The following CTNNA3 variants were observed in gnomAD, a reference collection of about 807,000 sequenced individuals.
The protein encoded by CTNNA3 is catenin alpha 3.
CTNNA3 carries 76 observed loss-of-function variants against 95.7 expected under a neutral mutation model. The observed-to-expected ratio is 0.79, with a 90% CI of 0.66 to 0.96. CTNNA3 has a LOEUF of 0.96. CTNNA3 is among the 40% of genes least tolerant of loss of function. The pLI is 0.00. For synonymous variants in CTNNA3, 431 were observed against 374.4 expected (o/e 1.15, Z -1.74); for missense variants, 1,191 against 1,089.8 (o/e 1.09, Z -1.31).
At chr10:66,009,415 A>G (rs945151291) in intron 15 of CTNNA3, among the ~76,000 whole-genome samples, 1 of 152,194 alleles carries the variant, frequency 6.6e-6, no homozygotes, top group Non-Finnish European at 1.5e-5. Flanking sequence ...CACCACAGAC[A>G]ACCCTTTAAT....
intron 13 of CTNNA3, among the ~76,000 whole-genome samples, chr10:66,237,109 ATGTC>A (rs1279608346): frequency 6.6e-6 from 1 of 151,956 alleles, no homozygotes; most frequent in East Asian, 1.9e-4. Context: ...GAGCAAGGTC[ATGTC>A]TGAAAAACTA....
rs12266448 is a variant in CTNNA3 at position 67,576,853 on chromosome 10, C to G, written c.292+30004G>C. Among the ~76,000 whole-genome samples the G allele has an allele frequency of 4.6e-5, 5 of 109,676 alleles. 2 individuals carry two copies. In the South Asian group the frequency reaches 2.1e-3, roughly 45 times the overall value. The allele number at this position is 109,676 out of a possible 152,430, so 72.0% of individuals were successfully genotyped here. A position where few individuals can be genotyped will look rare whatever the true frequency, so the allele number is the denominator to read the frequency against. On this transcript the variant is annotated intron_variant, in intron 3 of 17. Transcript: ENST00000433211. ...GTTTGCTGAGAATGATAGTTTCCAG[C>G]ATCATCGATGTCCCTGCAAAGGACA...
chr10:66,486,039 C>T (rs1159232111), intron 11 of CTNNA3, among the ~76,000 whole-genome samples: 2 of 152,160 alleles, frequency 1.3e-5, no homozygotes, highest in Non-Finnish European at 2.9e-5. Flanking sequence ...TTAGGCCCTT[C>T]TCTCACACCA....
At chr10:66,311,841 T>TG (rs1392246757) in intron 12 of CTNNA3, among the ~76,000 whole-genome samples, 1 of 152,182 alleles carries the variant, frequency 6.6e-6, no homozygotes, top group East Asian at 1.9e-4. Flanking sequence ...AGGGTCCTGA[T>TG]TTTTAACTTC....
intron 7 of CTNNA3, among the ~76,000 whole-genome samples, chr10:66,870,296 A>G (rs541562115): frequency 2.0e-5 from 3 of 152,338 alleles, no homozygotes; most frequent in South Asian, 4.1e-4. Context: ...CAAAAACGCA[A>G]TGATGCAGTA....
intron 5 of CTNNA3, among the ~76,000 whole-genome samples, chr10:67,351,391 C>A (rs1424571067): frequency 1.3e-5 from 2 of 148,882 alleles, no homozygotes; most frequent in African/African-American, 4.9e-5. Flanking sequence ...AATAAAAAAT[C>A]TCTTCTACAA....
chr10:66,802,612 A>G (rs1380760772), intron 7 of CTNNA3, among the ~76,000 whole-genome samples: 1 of 151,834 alleles, frequency 6.6e-6, no homozygotes, highest in Non-Finnish European at 1.5e-5. Context: ...ACATGTGTAT[A>G]GCCAGATAAT....
chr10:67,387,331 G>A (rs190076169), intron 5 of CTNNA3, among the ~76,000 whole-genome samples: 27 of 152,236 alleles, frequency 1.8e-4, no homozygotes, highest in East Asian at 1.7e-3. Flanking sequence ...ACTCCCACCC[G>A]AATACTGCGC....
intron 3 of CTNNA3, among the ~76,000 whole-genome samples, chr10:67,580,802 T>G (rs1218080101): frequency 2.6e-5 from 4 of 152,124 alleles, no homozygotes; most frequent in African/African-American, 9.7e-5. Context: ...TCCTAGGTAT[T>G]TTATTCTCTT....
intron 7 of CTNNA3, among the ~76,000 whole-genome samples, chr10:67,163,260 T>C (rs985602198): frequency 9.9e-5 from 15 of 151,994 alleles, no homozygotes; most frequent in African/African-American, 3.4e-4. Flanking sequence ...GTAAAATGAA[T>C]TGTATACCAT....
chr10:66,429,070 A>T (rs1017481071), intron 11 of CTNNA3, among the ~76,000 whole-genome samples: 3 of 152,070 alleles, frequency 2.0e-5, no homozygotes, highest in African/African-American at 7.2e-5. Context: ...GATAAAGGGG[A>T]TATCACCACC....
chr10:66,615,687 C>G (rs1041404503), intron 10 of CTNNA3, among the ~76,000 whole-genome samples: 1 of 151,832 alleles, frequency 6.6e-6, no homozygotes, highest in African/African-American at 2.4e-5. Context: ...ATAAATTTCA[C>G]TATATGAAAA....
At chr10:67,300,066 G>A (rs1840204661) in intron 5 of CTNNA3, among the ~76,000 whole-genome samples, 1 of 152,156 alleles carries the variant, frequency 6.6e-6, no homozygotes, top group Admixed American at 6.5e-5. Flanking sequence ...AAAATTTTTA[G>A]ACTCCACTTC....
chr10:66,985,643 G>A (rs748877980), intron 7 of CTNNA3, among the ~76,000 whole-genome samples: 1 of 152,132 alleles, frequency 6.6e-6, no homozygotes, highest in Non-Finnish European at 1.5e-5. Flanking sequence ...AAAGAGACCA[G>A]GAAGGGCAGG....
chr10:66,506,043 A>C (rs1353511192), intron 11 of CTNNA3, among the ~76,000 whole-genome samples: 1 of 152,170 alleles, frequency 6.6e-6, no homozygotes, highest in Non-Finnish European at 1.5e-5. Context: ...TCATGGCAGA[A>C]GGTGATGGGG....
intron 15 of CTNNA3, among the ~76,000 whole-genome samples, chr10:66,010,412 C>T (rs545547678): frequency 2.6e-5 from 4 of 151,260 alleles, no homozygotes; most frequent in Non-Finnish European, 4.4e-5. Flanking sequence ...GCTTTTTAGA[C>T]CAACAAAAAA....
chr10:67,372,232 T>C (rs1266123830), intron 5 of CTNNA3, among the ~76,000 whole-genome samples: 1 of 152,242 alleles, frequency 6.6e-6, no homozygotes, highest in African/African-American at 2.4e-5. Context: ...TTGAGTTTAA[T>C]TAGATCCCAT....
chr10:66,991,203 A>G (rs994014495), intron 7 of CTNNA3, among the ~76,000 whole-genome samples: 5 of 152,162 alleles, frequency 3.3e-5, no homozygotes, highest in Non-Finnish European at 5.9e-5. Context: ...AAATGTCACT[A>G]TGCCAGGTTT....
chr10:66,918,523 T>C (rs780768058), intron 7 of CTNNA3, among the ~76,000 whole-genome samples: 1 of 152,116 alleles, frequency 6.6e-6, no homozygotes, highest in African/African-American at 2.4e-5. Flanking sequence ...ATATATGCCA[T>C]GAAAACTGAC....
Sources: gnomAD v4.1 joint callset for allele counts (sites outside exome capture counted in the v4.1 genomes callset) on GRCh38, gnomAD v4.1.1 for gene constraint, MANE v1.5 for transcripts, NCBI Gene and HGNC (gene_info 2026-07-23, HGNC 2026-07-21) for gene names.